Variants in MAD1L1 observed in about 807,000 individuals in gnomAD.
MAD1L1 encodes mitotic arrest deficient 1 like 1, also known as mitotic spindle assembly checkpoint protein MAD1.
A neutral mutation model predicts 96.9 loss-of-function variants in MAD1L1; 95 were observed. The ratio of observed to expected loss-of-function variants is 0.98; its 90% CI spans 0.83 to 1.16. The LOEUF (loss-of-function observed/expected upper bound fraction) is 1.16, where lower values mean the gene tolerates loss of function less well. MAD1L1 is among the 50% of genes most tolerant of loss of function. The pLI is 0.00. For synonymous variants in MAD1L1, 473 were observed against 396.6 expected (o/e 1.19, Z -2.29); for missense variants, 1,007 against 954.4 (o/e 1.06, Z -0.73).
chr7:2,196,037 G>A (rs144807219), intron 10 of MAD1L1, among the ~76,000 whole-genome samples: 16 of 152,344 alleles, frequency 1.1e-4, no homozygotes, highest in South Asian at 6.2e-4. Flanking sequence ...GGCACCATGT[G>A]GCCAGCCAGA....
chr7:1,976,985 C>CAA (rs1035222427), intron 15 of MAD1L1, among the ~76,000 whole-genome samples: 1 of 152,258 alleles, frequency 6.6e-6, no homozygotes, highest in African/African-American at 2.4e-5. Context: ...GGTGCATTTA[C>CAA]AATCCTCTAT....
intron 10 of MAD1L1, among the ~76,000 whole-genome samples, chr7:2,176,647 A>T (rs1190760498): frequency 6.6e-6 from 1 of 152,188 alleles, no homozygotes; most frequent in Non-Finnish European, 1.5e-5. Flanking sequence ...CAAAACACTA[A>T]AACTATACTG....
At chr7:1,944,389 T>C (rs147562277) in intron 16 of MAD1L1, among the ~76,000 whole-genome samples, 74 of 152,204 alleles carry the variant, frequency 4.9e-4, no homozygotes, top group African/African-American at 1.7e-3. Context: ...ATAGAGCTGT[T>C]AGAAATGGCG....
At chr7:1,995,195 T>C (rs1211097265) in intron 14 of MAD1L1, among the ~76,000 whole-genome samples, 1 of 152,062 alleles carries the variant, frequency 6.6e-6, no homozygotes, top group African/African-American at 2.4e-5. Context: ...CACGATTCCT[T>C]CCACTCTGTG....
intron 12 of MAD1L1, among the ~76,000 whole-genome samples, chr7:2,063,220 C>G (rs1011431567): frequency 6.6e-5 from 10 of 152,250 alleles, no homozygotes; most frequent in Non-Finnish European, 1.5e-4. Flanking sequence ...AAAAGAAAGA[C>G]TGGACGTGGG....
chr7:2,110,763 C>T (rs1014038592), intron 11 of MAD1L1, among the ~76,000 whole-genome samples: 4 of 152,198 alleles, frequency 2.6e-5, no homozygotes, highest in Non-Finnish European at 5.9e-5. Flanking sequence ...CGATACTCAC[C>T]GCCTGCCCCC....
chr7:1,916,020 A>T (rs1329132129), intron 17 of MAD1L1, among the ~76,000 whole-genome samples: 4 of 152,246 alleles, frequency 2.6e-5, no homozygotes, highest in Non-Finnish European at 5.9e-5. Context: ...ATTTTGCAGA[A>T]GATGACCTAG....
chr7:1,863,519 G>C (rs1197794360), intron 18 of MAD1L1, among the ~76,000 whole-genome samples: 1 of 152,244 alleles, frequency 6.6e-6, no homozygotes, highest in African/African-American at 2.4e-5. Context: ...CCTGGCTGAA[G>C]GCCCGGGAGC....
intron 3 of MAD1L1, among the ~76,000 whole-genome samples, chr7:2,225,967 G>A (rs187805046): frequency 7.9e-5 from 12 of 152,276 alleles, no homozygotes; most frequent in East Asian, 7.7e-4. Flanking sequence ...TCTCCTTCCC[G>A]ACTGGCTGCC....
chr7:2,215,656 G>A (rs544385666), intron 9 of MAD1L1, among the ~76,000 whole-genome samples: 8 of 152,262 alleles, frequency 5.3e-5, no homozygotes, highest in South Asian at 4.1e-4. Flanking sequence ...CCTCCCCGCC[G>A]TGGGCCAGCT....
At chr7:1,948,383 GC>G (rs1779331335) in intron 16 of MAD1L1, among the ~76,000 whole-genome samples, 1 of 151,926 alleles carries the variant, frequency 6.6e-6, no homozygotes, top group Non-Finnish European at 1.5e-5. Flanking sequence ...CAGAGGCTAA[GC>G]GAGGGTTCAC....
At chr7:1,905,433 G>C (rs1486424328) in intron 17 of MAD1L1, among the ~76,000 whole-genome samples, 1 of 142,704 alleles carries the variant, frequency 7.0e-6, no homozygotes, top group African/African-American at 2.5e-5. Context: ...GATTGATGAA[G>C]CACTGTTCCA....
intron 12 of MAD1L1, among the ~76,000 whole-genome samples, chr7:2,067,635 G>C (rs771355471): frequency 6.0e-4 from 90 of 148,816 alleles, no homozygotes; most frequent in African/African-American, 2.3e-3. Flanking sequence ...CCACCGCAGT[G>C]GTCAGCCCGC....
intron 17 of MAD1L1, among the ~76,000 whole-genome samples, chr7:1,910,520 C>T (rs572672253): frequency 1.3e-5 from 2 of 152,258 alleles, no homozygotes; most frequent in African/African-American, 2.4e-5. Flanking sequence ...ACGCTGGGCA[C>T]TGCCCTGGGG....
chr7:2,160,233 CAA>C (rs528993860), intron 10 of MAD1L1, among the ~76,000 whole-genome samples: 30 of 109,264 alleles, frequency 2.7e-4, no homozygotes, highest in Middle Eastern at 5.9e-3. Flanking sequence ...TACCCTGTCT[CAA>C]AAAAAAAAAA....
chr7:2,105,993 A>ACC (rs59958497), intron 11 of MAD1L1, among the ~76,000 whole-genome samples: 1 of 125,734 alleles, frequency 8.0e-6, no homozygotes, highest in Non-Finnish European at 1.6e-5. Context: ...CCTGCCCCAC[A>ACC]TATGGCCCCG....
chr7:1,830,627 G>A (rs1782656529), intron 18 of MAD1L1, among the ~76,000 whole-genome samples: 1 of 152,214 alleles, frequency 6.6e-6, no homozygotes, highest in African/African-American at 2.4e-5. Context: ...GATGACTAAG[G>A]CAGGAAGGAG....
At chr7:1,833,370 G>C (rs1222570103) in intron 18 of MAD1L1, among the ~76,000 whole-genome samples, 4 of 152,178 alleles carry the variant, frequency 2.6e-5, no homozygotes, top group African/African-American at 4.8e-5. Flanking sequence ...AATGATAAAA[G>C]CGTCCATTTA....
chr7:2,111,521 C>G (rs376293528), intron 11 of MAD1L1, among the ~76,000 whole-genome samples: 1 of 152,186 alleles, frequency 6.6e-6, no homozygotes, highest in Non-Finnish European at 1.5e-5. Flanking sequence ...GGAAGCAAAA[C>G]GAAACCAGCT....
Sources: gnomAD v4.1 joint callset for allele counts (sites outside exome capture counted in the v4.1 genomes callset) on GRCh38, gnomAD v4.1.1 for gene constraint, MANE v1.5 for transcripts, NCBI Gene and HGNC (gene_info 2026-07-23, HGNC 2026-07-21) for gene names.